PPIP5K1: variants seen among roughly 807,000 people sequenced by gnomAD.
PPIP5K1 encodes the protein inositol hexakisphosphate and diphosphoinositol-pentakisphosphate kinase 1.
A neutral mutation model predicts 27.7 loss-of-function variants in PPIP5K1; 6 were observed. The ratio of observed to expected loss-of-function variants is 0.22; its 90% CI spans 0.12 to 0.43. PPIP5K1 has a LOEUF of 0.43. Ranked by LOEUF, PPIP5K1 falls within the 20% of genes least tolerant of loss-of-function variation. The probability of loss-of-function intolerance (pLI) is 1.00; values close to 1 mark genes in which losing one functional copy is unlikely to be tolerated. For synonymous variants in PPIP5K1, 145 were observed against 242.6 expected (o/e 0.60, Z 3.74); for missense variants, 394 against 635.4 (o/e 0.62, Z 4.08).
chr15:43,555,687 C>T (rs1477357747), intron 30 of PPIP5K1, among the ~76,000 whole-genome samples: 1 of 151,988 alleles, frequency 6.6e-6, no homozygotes, highest in African/African-American at 2.4e-5. Context: ...GCTCACGCAA[C>T]TTCTGCCTCC....
intron 30 of PPIP5K1, among the ~76,000 whole-genome samples, chr15:43,558,132 G>T (rs937353277): frequency 2.0e-5 from 3 of 150,410 alleles, no homozygotes; most frequent in Non-Finnish European, 4.4e-5. Flanking sequence ...TGCGATCTTG[G>T]CTCATAGCAA....
intron 30 of PPIP5K1, among the ~76,000 whole-genome samples, chr15:43,552,344 T>C (rs575399080): frequency 2.0e-5 from 3 of 152,088 alleles, no homozygotes; most frequent in East Asian, 3.9e-4. Context: ...CATGTTTTCA[T>C]TTTCATTCAT....
At chr15:43,544,453 C>A (rs2140532483) in intron 30 of PPIP5K1, among the ~76,000 whole-genome samples, 1 of 152,276 alleles carries the variant, frequency 6.6e-6, no homozygotes, top group African/African-American at 2.4e-5. Flanking sequence ...TGAGTCATTT[C>A]CAATATTTTG....
chr15:43,547,808 T>G (rs986995391), intron 30 of PPIP5K1, among the ~76,000 whole-genome samples: 1 of 152,230 alleles, frequency 6.6e-6, no homozygotes, highest in African/African-American at 2.4e-5. Context: ...TTTTGCTTTT[T>G]CAAGATTCTT....
chr15:43,550,900 C>G (rs1305185031), intron 30 of PPIP5K1, among the ~76,000 whole-genome samples: 1 of 152,184 alleles, frequency 6.6e-6, no homozygotes, highest in African/African-American at 2.4e-5. Flanking sequence ...TAGTGTATTA[C>G]AATGACCAGT....
intron 30 of PPIP5K1, among the ~76,000 whole-genome samples, chr15:43,551,504 C>G (rs1357882957): frequency 1.1e-5 from 1 of 91,728 alleles, no homozygotes; most frequent in Non-Finnish European, 2.0e-5. Flanking sequence ...GGCAACAGAG[C>G]AAGACTCTGT....
chr15:43,538,873 T>A (rs1048815301), intron 31 of PPIP5K1, among the ~76,000 whole-genome samples: 1 of 152,190 alleles, frequency 6.6e-6, no homozygotes, highest in African/African-American at 2.4e-5. Flanking sequence ...TGGAGAAAAC[T>A]GTAGAGATCA....
At chr15:43,551,635 C>A (rs2082213739) in intron 30 of PPIP5K1, among the ~76,000 whole-genome samples, 1 of 72,098 alleles carries the variant, frequency 1.4e-5, no homozygotes, top group Admixed American at 1.3e-4. Flanking sequence ...CGGAGTCTCG[C>A]TCTGTCGCCC....
At chr15:43,561,350 TA>T (rs2083841715) in intron 28 of PPIP5K1, among the ~76,000 whole-genome samples, 1 of 113,048 alleles carries the variant, frequency 8.8e-6, no homozygotes, top group African/African-American at 4.9e-5. Context: ...GAAAGTTAGA[TA>T]ATTTTATATT....
chr15:43,537,688 CA>C (rs1229197125), intron 31 of PPIP5K1, among the ~76,000 whole-genome samples: 56 of 49,264 alleles, frequency 1.1e-3, no homozygotes, highest in South Asian at 2.2e-3. Context: ...GACTCCATCT[CA>C]AAAAAAAAAA....
chr15:43,546,924 G>A (rs1022391619), intron 30 of PPIP5K1, among the ~76,000 whole-genome samples: 1 of 152,172 alleles, frequency 6.6e-6, no homozygotes, highest in African/African-American at 2.4e-5. Context: ...CTCCCAAAGA[G>A]CTGGGATTAC....
rs1481372482 is a variant in PPIP5K1, at chr15:43,534,635, A to T, written c.*39T>A. 3 of 1,489,566 alleles carry T rather than the reference A, an allele frequency of 2.0e-6. No homozygotes were observed. The highest frequency in any genetic ancestry group is 2.7e-6 in the Non-Finnish European group (3 of 1,115,046). The allele number at this position is 1,489,566 out of a possible 1,614,324, so 92.3% of individuals were successfully genotyped here. A position where few individuals can be genotyped will look rare whatever the true frequency, so the allele number is the denominator to read the frequency against. ...GCTGGGCTTGAGGAATACCCTCTCC[A>T]GGCAGCTGATCAATCACTTCAGGGA... is the stretch of plus-strand genomic sequence containing the variant. On this transcript the variant is annotated 3_prime_UTR_variant, in exon 32 of 32. Transcript: ENST00000420765.
chr15:43,535,195 C>A lies in PPIP5K1; in HGVS notation c.3952G>T (p.Val1318Phe), dbSNP rs1186779283. ...TGGCATGGCTGGCTGATGTCAGGGA[C>A]CTCCTGACATGGCTGGCTGACCTCC... ...YEEVSQPCQE[V>F]PDISQPCQDI... The change falls in exon 32 of 32, where the codon GTC (valine) becomes TTC (phenylalanine). Residue 1318 changes from valine to phenylalanine, a missense_variant. Val to Phe is a conservative substitution (Grantham distance 50). This residue lies in a region of PPIP5K1 where 379 missense variants were observed against 423.9 expected (regional missense o/e 0.89). Coordinates refer to ENST00000420765, the MANE Select transcript of PPIP5K1 (RefSeq NM_001394395.1). 1.9e-6 allele frequency: 3 copies of A among 1,613,976 alleles called. No homozygotes were observed. Among genetic ancestry groups the A allele is most frequent in the Admixed American group, 1.7e-5 (1 of 60,010 alleles).
chr15:43,546,649 T>G (rs1416247389), intron 30 of PPIP5K1, among the ~76,000 whole-genome samples: 1 of 133,776 alleles, frequency 7.5e-6, no homozygotes, highest in African/African-American at 3.5e-5. Flanking sequence ...GAGTACCTGT[T>G]TTCAATTTTT....
chr15:43,553,491 T>C (rs1157409666), intron 30 of PPIP5K1, among the ~76,000 whole-genome samples: 3 of 152,128 alleles, frequency 2.0e-5, no homozygotes, highest in Non-Finnish European at 4.4e-5. Flanking sequence ...TACAGGCATG[T>C]GCCACCATGC....
At chr15:43,535,866 A>G (rs1230852024) in intron 31 of PPIP5K1, among the ~76,000 whole-genome samples, 1 of 152,144 alleles carries the variant, frequency 6.6e-6, no homozygotes, top group African/African-American at 2.4e-5. Flanking sequence ...TTAAAATACT[A>G]ATTTCCAGTT....
intron 30 of PPIP5K1, among the ~76,000 whole-genome samples, chr15:43,542,305 G>C (rs963483046): frequency 6.6e-6 from 1 of 151,130 alleles, no homozygotes; most frequent in African/African-American, 2.4e-5. Flanking sequence ...TTTTGGCGGG[G>C]GGGGGGGGCA....
intron 10 of PPIP5K1, among the ~76,000 whole-genome samples, chr15:43,579,383 TACACACACACAC>T (rs371291746): frequency 4.7e-5 from 4 of 84,302 alleles, no homozygotes; most frequent in East Asian, 5.0e-4. Context: ...TTCGATTATA[TACACACACACAC>T]ACACACACAC....
At chr15:43,548,575 C>T (rs1353259948) in intron 30 of PPIP5K1, 1 of 136,914 alleles carries the variant, frequency 7.3e-6, no homozygotes, top group Non-Finnish European at 1.5e-5. Context: ...TTAAGCAAGA[C>T]AGGGTTTCAC....
Sources: allele counts gnomAD v4.1 joint callset (sites outside exome capture counted in the v4.1 genomes callset), GRCh38; gene constraint gnomAD v4.1.1; regional missense constraint gnomAD v4.1.1; transcripts MANE v1.5; gene names NCBI Gene and HGNC (gene_info 2026-07-23, HGNC 2026-07-21).